Variants in ULK3 observed in about 807,000 individuals in gnomAD.
ULK3 encodes serine/threonine-protein kinase ULK3.
Under a neutral mutation model 69.4 loss-of-function variants are expected in ULK3, and 54 were observed. The ratio of observed to expected loss-of-function variants is 0.78; its 90% CI spans 0.63 to 0.98. The LOEUF is 0.98. Among genes scored for constraint, ULK3 ranks in the 50% least tolerant of loss-of-function variants. ULK3 has a pLI of 0.00. For synonymous variants in ULK3, 240 were observed against 254.5 expected (o/e 0.94, Z 0.54); for missense variants, 558 against 627.7 (o/e 0.89, Z 1.19).
intron 13 of ULK3, 93 bp downstream of exon 13, chr15:74,838,059 G>C: frequency 6.6e-7 from 1 of 1,507,898 alleles, no homozygotes; most frequent in Non-Finnish European, 9.0e-7. Flanking sequence ...CTGACAGTGG[G>C]ACATTCCAGA....
At position 74,839,636 on chromosome 15, in the gene ULK3, G is replaced by A; in HGVS notation, c.774C>T (p.Arg258=). The change falls in exon 7 of 16, where the codon CGC becomes CGT. Residue 258 remains arginine, a synonymous_variant. Transcript: ENST00000440863. ...QRLLERDPSR[R]ISFQDFFAHP... is the part of the protein sequence containing the mutation. ...GCGCAAAAAAGTCCTGGAAGGAGAT[G>A]CGACGGCTGGGGTCCCGCTCCAGGA... 6.4e-7 allele frequency: 1 copy of A among 1,556,286 alleles called. No individual in the cohort carries two copies. Among genetic ancestry groups the A allele is most frequent in the South Asian group, 1.2e-5 (1 of 84,312 alleles).
At position 74,842,773 on chromosome 15, in the gene ULK3, G is replaced by A. The variant is rs2064308792; in HGVS notation, c.102+231C>T. On this transcript the variant is annotated intron_variant, in intron 1 of 15. Transcript: ENST00000440863. The surrounding 1 kb of genome is among the most constrained non-coding windows in gnomAD (Gnocchi z 4.9). ...TCCCAGACTCCTCCCAGCCCACCAG[G>A]TAACCTGTTTTGAGCCTGTTCTTCA... 7.4e-6 allele frequency: 11 copies of A among 1,488,836 alleles called. No homozygotes were observed. The South Asian group carries it at 9.1e-5, about 12-fold the overall frequency. 92.2% of individuals were successfully genotyped at this position (1,488,836 alleles called of 1,614,324 possible). A position where few individuals can be genotyped will look rare whatever the true frequency, so the allele number is the denominator to read the frequency against.
rs372814592 is a variant in ULK3, at chr15:74,839,084, C to T, written c.959-34G>A. The T allele has an allele frequency of 6.5e-4, 1,037 of 1,587,918 alleles. 4 individuals carry two copies. Among genetic ancestry groups the T allele is most frequent in the Admixed American group, 1.2e-3 (69 of 55,634 alleles). On this transcript the variant is annotated intron_variant, in intron 8 of 15. Coordinates refer to ENST00000440863, the MANE Select transcript of ULK3 (RefSeq NM_001099436.4). The stretch of plus-strand genomic sequence containing the variant: ...AGTGAGGTCATATGAGGAGTCTGGG[C>T]GAACCCCTCCCTGCCCCACAACGAA...
intron 3 of ULK3, 78 bp from the exon 4 acceptor site, chr15:74,841,587 C>T: frequency 1.7e-6 from 2 of 1,186,758 alleles, no homozygotes; most frequent in South Asian, 2.6e-5. Flanking sequence ...CTCACATCTG[C>T]CTCCTCAAGC....
In ULK3 at chr15:74,842,533, A is replaced by G. The variant is rs1312017888; in HGVS notation, c.103-113T>C. The G allele has an allele frequency of 6.3e-7, 1 of 1,597,978 alleles. No homozygotes were observed. Among genetic ancestry groups the G allele is most frequent in the Admixed American group, 1.7e-5 (1 of 59,676 alleles). ...CCCCACCCCGCCCCTCCCCGGGTCT[A>G]CCTACTGCACACCAGCACCGGGCTT... On this transcript the variant is annotated intron_variant, in intron 1 of 15. Coordinates refer to ENST00000440863, the MANE Select transcript of ULK3 (RefSeq NM_001099436.4). The surrounding 1 kb of genome is among the most constrained non-coding windows in gnomAD (Gnocchi z 4.9).
chr15:74,836,216 G>A lies in ULK3; in HGVS notation c.*1012C>T, dbSNP rs1224565409. ...GCTCTTGCCCAAGGAAGCATTTAAG[G>A]GCAGAAGGGCTACAAATCACCAACA... On this transcript the variant is annotated 3_prime_UTR_variant, in exon 16 of 16. Transcript: ENST00000440863. This position sits in a 1 kb window ranked among gnomAD's most constrained non-coding sequence, Gnocchi z 4.0. The A allele has an allele frequency of 1.3e-5, 2 of 152,170 alleles. No homozygotes were observed. The highest frequency in any genetic ancestry group is 4.8e-5 in the African/African-American group (2 of 41,424). 9.4% of individuals were successfully genotyped at this position (152,170 alleles called of 1,614,324 possible). A position where few individuals can be genotyped will look rare whatever the true frequency, so the allele number is the denominator to read the frequency against.
intron 14 of ULK3, 59 bp from the exon 15 acceptor site, chr15:74,837,494 TGCCG>T (rs2064056749): frequency 1.6e-6 from 2 of 1,232,318 alleles, no homozygotes; most frequent in Non-Finnish European, 2.1e-6. Context: ...CACAGCGCAG[TGCCG>T]AGCAAGTGAG....
intron 9 of ULK3, 125 bp downstream of exon 9, chr15:74,838,885 C>A: frequency 1.4e-6 from 2 of 1,429,254 alleles, no homozygotes; most frequent in Non-Finnish European, 1.9e-6. Flanking sequence ...CTGGCCTGAC[C>A]CATTCCCAGC....
intron 5 of ULK3, 56 bp downstream of exon 5, chr15:74,840,442 C>A (rs1378057879): frequency 6.4e-7 from 1 of 1,574,626 alleles, no homozygotes; most frequent in Non-Finnish European, 8.6e-7. Context: ...CCCAGAGAGG[C>A]CTTGCCTGAG....
intron 13 of ULK3, 21 bp downstream of exon 13, chr15:74,838,131 C>T (rs779612444): frequency 6.4e-7 from 1 of 1,551,956 alleles, no homozygotes. Context: ...GCCCCCCAAC[C>T]CTCTCAAGCT....
chr15:74,837,963 G>T, intron 13 of ULK3, 165 bp from the exon 14 acceptor site: 1 of 1,224,402 alleles, frequency 8.2e-7, no homozygotes, highest in Non-Finnish European at 1.1e-6. Flanking sequence ...AGCCTTCCCA[G>T]ACTTTTTGCT....
In ULK3 at chr15:74,840,328, A is replaced by C. The variant is rs1171004186; in HGVS notation, c.614-12T>G. The C allele has an allele frequency of 1.9e-6, 3 of 1,605,590 alleles. No individual in the cohort carries two copies. The highest frequency in any genetic ancestry group is 1.7e-6 in the Non-Finnish European group (2 of 1,176,372). ...CCCGAAGAGGGCTTCTGTGGAAGGG[A>C]GGCAGAGCGGAGGCTGGGAGGGAAT... On this transcript the variant is annotated splice_polypyrimidine_tract_variant and intron_variant, in intron 5 of 15. Transcript: ENST00000440863.
intron 13 of ULK3, 92 bp from the exon 14 acceptor site, chr15:74,837,890 G>T: frequency 7.4e-7 from 1 of 1,349,234 alleles, no homozygotes; most frequent in Non-Finnish European, 1.0e-6. Context: ...ATGCTCTCCA[G>T]AACCCTCTGC....
intron 13 of ULK3, 175 bp from the exon 14 acceptor site, chr15:74,837,973 T>C: frequency 3.2e-6 from 4 of 1,245,072 alleles, no homozygotes; most frequent in South Asian, 1.5e-5. Flanking sequence ...GACTTTTTGC[T>C]GCTGGGTTCC....
rs1178311820 is a variant in ULK3, at chr15:74,842,719, C to A, written c.102+285G>T. ...GGCATGTCACTCAGGGTTCTAGAAC[C>A]GCCCACTCTGCCTCCCAACTGGCTC... On this transcript the variant is annotated intron_variant, in intron 1 of 15. Coordinates refer to ENST00000440863, the MANE Select transcript of ULK3 (RefSeq NM_001099436.4). This position sits in a 1 kb window ranked among gnomAD's most constrained non-coding sequence, Gnocchi z 4.9. 6.6e-7 allele frequency: 1 copy of A among 1,522,824 alleles called. No individual in the cohort carries two copies. Among genetic ancestry groups the A allele is most frequent in the South Asian group, 1.2e-5 (1 of 83,532 alleles). The allele number at this position is 1,522,824 out of a possible 1,614,324, so 94.3% of individuals were successfully genotyped here.
In ULK3 at chr15:74,838,503, C is replaced by G; in HGVS notation, c.1104G>C (p.Glu368Asp). 1 of 1,572,708 alleles carries G rather than the reference C, an allele frequency of 6.4e-7. No individual in the cohort carries two copies. The highest frequency in any genetic ancestry group is 8.6e-7 in the Non-Finnish European group (1 of 1,159,106). Residue 368 changes from glutamate to aspartate, a missense_variant and splice_region_variant, in exon 11 of 16, where the codon GAG becomes GAC. By Grantham distance (45) the Glu-to-Asp change is conservative (BLOSUM62 2). Transcript: ENST00000440863. ...QGTSARDLLR[E>D]MARDKPRLLA... ...GGAGGCGTGGCTTGTCCCGGGCCATCTCTGAGATGAGGGGAAAGGCTCAGG... is the reference window on the plus strand; with the variant it reads ...GGAGGCGTGGCTTGTCCCGGGCCATGTCTGAGATGAGGGGAAAGGCTCAGG...
At chr15:74,840,780 G>A (rs1473013178) in intron 4 of ULK3, 139 bp from the exon 5 acceptor site, 9 of 1,172,242 alleles carry the variant, frequency 7.7e-6, no homozygotes, top group Non-Finnish European at 1.1e-5. Flanking sequence ...CTCATCATTA[G>A]GCTGGAACAC....
In ULK3 at chr15:74,839,670, AG is replaced by A. The variant is rs1239163938; in HGVS notation, c.739del (p.Leu247CysfsTer46). 3.2e-6 allele frequency: 5 copies of A among 1,554,718 alleles called. No homozygotes were observed. Among genetic ancestry groups the A allele is most frequent in the Non-Finnish European group, 4.3e-6 (5 of 1,151,214 alleles). On this transcript the variant is annotated frameshift_variant, in exon 7 of 16. Transcript: ENST00000440863. LOFTEE classifies it high-confidence loss of function. ...GGGGTCCCGCTCCAGGAGCCGCTGC[AG>A]TAGGTCCCGGCAGTCTCGGGAGAGC... is the stretch of plus-strand genomic sequence containing the variant. Reference protein sequence around the residue: ...PLLSRDCRDLLQRLLERDPSR... With the variant: ...PLLSRDCRDLXQRLLERDPSR...
intron 9 of ULK3, 80 bp from the exon 10 acceptor site, chr15:74,838,825 C>A: frequency 6.9e-7 from 1 of 1,446,320 alleles, no homozygotes; most frequent in Admixed American, 2.0e-5. Context: ...TCTCCCTTTG[C>A]ATTGTTAGTG....
Sources: allele counts gnomAD v4.1 joint callset, GRCh38; gene constraint gnomAD v4.1.1; non-coding constraint Gnocchi (gnomAD v3.1); transcripts MANE v1.5; gene names NCBI Gene and HGNC (gene_info 2026-07-23, HGNC 2026-07-21).